Variants in BLM observed in about 807,000 individuals in gnomAD.
The protein encoded by BLM is recQ-like DNA helicase BLM.
In BLM, 95 loss-of-function variants were observed where a neutral mutation model predicts 135.3. That is an observed-to-expected ratio of 0.70 (90% CI 0.59 to 0.83). BLM has a LOEUF of 0.83. Among genes scored for constraint, BLM ranks in the 40% least tolerant of loss-of-function variants. The pLI is 0.00. For synonymous variants in BLM, 520 were observed against 589.2 expected, an observed-to-expected ratio of 0.88 and a Z score of 1.70; for missense variants, 1,518 against 1,663.9, an observed-to-expected ratio of 0.91 and a Z score of 1.53.
chr15:90,783,013 A>T, intron 13 of BLM, 85 bp downstream of exon 13: 1 of 1,106,666 alleles, frequency 9.0e-7, no homozygotes, highest in African/African-American at 1.6e-5. Context: ...TGCATATTAA[A>T]CATTCCTTTT....
chr15:90,790,475 A>G, intron 14 of BLM, 174 bp from the exon 15 acceptor site: 1 of 651,444 alleles, frequency 1.5e-6, no homozygotes, highest in South Asian at 1.9e-5. Flanking sequence ...AGTTATCAGT[A>G]TAAAAACTCA....
chr15:90,722,029 A>C (rs1894779933), intron 1 of BLM, among the ~76,000 whole-genome samples: 1 of 152,124 alleles, frequency 6.6e-6, no homozygotes, highest in Non-Finnish European at 1.5e-5. Context: ...TCACGCCTGT[A>C]ATCCCAGCAC....
intron 4 of BLM, 86 bp downstream of exon 4, chr15:90,752,032 A>G: frequency 8.0e-7 from 1 of 1,255,148 alleles, no homozygotes; most frequent in South Asian, 1.4e-5. Context: ...ATTTCTATAT[A>G]AAAGTATTTT....
chr15:90,788,970 C>CAAA (rs34736315), intron 14 of BLM, among the ~76,000 whole-genome samples: 10 of 110,652 alleles, frequency 9.0e-5, no homozygotes, highest in Non-Finnish European at 1.5e-4. Flanking sequence ...GAGACTGTCT[C>CAAA]AAAAAAAAAA....
At chr15:90,763,366 A>G (rs56298295) in intron 8 of BLM, among the ~76,000 whole-genome samples, 5 of 152,060 alleles carry the variant, frequency 3.3e-5, no homozygotes, top group African/African-American at 9.7e-5. Context: ...AAGATTTTCA[A>G]CTCGAAGCTC....
chr15:90,731,665 A>C (rs1016232604), intron 1 of BLM, among the ~76,000 whole-genome samples: 1 of 152,186 alleles, frequency 6.6e-6, no homozygotes, highest in Admixed American at 6.6e-5. Flanking sequence ...AAAGTTGTTC[A>C]TAACAGCCTA....
chr15:90,810,042 A>G, intron 20 of BLM, among the ~76,000 whole-genome samples: 1 of 150,326 alleles, frequency 6.7e-6, no homozygotes, highest in Admixed American at 6.6e-5. Context: ...GAGCAGGATG[A>G]GATAGTTCAA....
intron 17 of BLM, among the ~76,000 whole-genome samples, chr15:90,798,965 A>AAG (rs1165976798): frequency 6.6e-6 from 1 of 150,504 alleles, no homozygotes; most frequent in Admixed American, 6.6e-5. Context: ...CCTGGGCAAC[A>AAG]AGAGTGAAAC....
chr15:90,760,803 C>G lies in BLM; in HGVS notation c.1430C>G (p.Thr477Arg). The G allele has an allele frequency of 6.2e-7, 1 of 1,614,014 alleles. No homozygotes were observed. The highest frequency in any genetic ancestry group is 8.5e-7 in the Non-Finnish European group (1 of 1,180,014). ...TTACTGACTACCACCCTAGGAAAGACAGGATTCTCTGCCACCAGGAAGAAT... is the reference window on the plus strand; with the variant it reads ...TTACTGACTACCACCCTAGGAAAGAGAGGATTCTCTGCCACCAGGAAGAAT... Reference protein sequence around the residue: ...DCLLTTTLGKTGFSATRKNLF... With the variant: ...DCLLTTTLGKRGFSATRKNLF... Residue 477 changes from threonine (T) to arginine (R), a missense_variant, in exon 7 of 22, where the codon ACA becomes AGA. Physicochemically the swap from Thr to Arg is moderately conservative, Grantham distance 71. Coordinates refer to ENST00000355112, the MANE Select transcript of BLM (RefSeq NM_000057.4).
At chr15:90,813,869 C>T (rs1388782791) in intron 21 of BLM, among the ~76,000 whole-genome samples, 1 of 152,186 alleles carries the variant, frequency 6.6e-6, no homozygotes, top group Non-Finnish European at 1.5e-5. Context: ...ACCTCACCTC[C>T]CCACCCTACC....
chr15:90,769,046 C>T, intron 10 of BLM, 87 bp from the exon 11 acceptor site: 1 of 1,183,164 alleles, frequency 8.5e-7, no homozygotes, highest in Non-Finnish European at 1.3e-6. Context: ...TTTAATACAG[C>T]TTAAGTTGTG....
chr15:90,729,039 G>A (rs1894993360), intron 1 of BLM, among the ~76,000 whole-genome samples: 1 of 152,004 alleles, frequency 6.6e-6, no homozygotes, highest in Non-Finnish European at 1.5e-5. Flanking sequence ...ATAACACACG[G>A]TAGCTCACAC....
In BLM at chr15:90,782,860, A is replaced by C. The variant is rs777842626; in HGVS notation, c.2594A>C (p.Tyr865Ser). The change falls in exon 13 of 22, where the codon TAT becomes TCT. Residue 865 changes from tyrosine to serine, a missense_variant. Tyr to Ser is a moderately radical substitution (Grantham distance 144). Around this residue, in one of 5 missense-constraint regions of BLM, gnomAD observed 626 missense variants for 681.1 expected, o/e 0.92. Transcript: ENST00000355112. ...TTTAACAGACATAATCTGAAATACTATGTATTACCGAAAAAGCCTAAAAAG... is the reference window on the plus strand; with the variant it reads ...TTTAACAGACATAATCTGAAATACTCTGTATTACCGAAAAAGCCTAAAAAG... ...MSFNRHNLKY[Y>S]VLPKKPKKVA... 6.2e-7 allele frequency: 1 copy of C among 1,613,758 alleles called. No homozygotes were observed. The highest frequency in any genetic ancestry group is 8.5e-7 in the Non-Finnish European group (1 of 1,179,674).
intron 1 of BLM, among the ~76,000 whole-genome samples, chr15:90,718,236 A>C (rs1894660591): frequency 6.6e-6 from 1 of 152,228 alleles, no homozygotes; most frequent in Non-Finnish European, 1.5e-5. Flanking sequence ...GACATGGAGA[A>C]TCTGAAGTAC....
At chr15:90,800,267 C>T (rs1440606373) in intron 17 of BLM, among the ~76,000 whole-genome samples, 1 of 152,142 alleles carries the variant, frequency 6.6e-6, no homozygotes, top group Non-Finnish European at 1.5e-5. Context: ...GACTAGCAGG[C>T]AAAGAAAGTG....
intron 1 of BLM, among the ~76,000 whole-genome samples, chr15:90,737,976 A>G (rs1388500870): frequency 6.6e-6 from 1 of 152,238 alleles, no homozygotes. Flanking sequence ...ACAAGGGGAC[A>G]TTATAACTGA....
At chr15:90,750,603 C>T (rs570909816) in intron 3 of BLM, among the ~76,000 whole-genome samples, 9 of 152,180 alleles carry the variant, frequency 5.9e-5, no homozygotes, top group Non-Finnish European at 1.2e-4. Context: ...CCATTTACAT[C>T]ACAATGCCTA....
chr15:90,786,129 A>G (rs1896743514), intron 14 of BLM, among the ~76,000 whole-genome samples: 2 of 151,032 alleles, frequency 1.3e-5, no homozygotes, highest in African/African-American at 4.9e-5. Context: ...AGCTAGGACG[A>G]CAGGCGCACC....
At chr15:90,799,952 G>A (rs1293573865) in intron 17 of BLM, among the ~76,000 whole-genome samples, 1 of 152,170 alleles carries the variant, frequency 6.6e-6, no homozygotes, top group Admixed American at 6.5e-5. Context: ...TGGACTGTTA[G>A]GAGACCAGAT....
Sources: gnomAD v4.1 joint callset for allele counts (sites outside exome capture counted in the v4.1 genomes callset) on GRCh38, gnomAD v4.1.1 for gene constraint, gnomAD v4.1.1 regional missense constraint, MANE v1.5 for transcripts, NCBI Gene and HGNC (gene_info 2026-07-23, HGNC 2026-07-21) for gene names.